Variants in KIFAP3 observed in about 807,000 individuals in gnomAD.
KIFAP3 encodes the protein kinesin associated protein 3, also known as kinesin-associated protein 3.
Under a neutral mutation model 106.5 loss-of-function variants are expected in KIFAP3, and 68 were observed. That is an observed-to-expected ratio of 0.64 (90% CI 0.53 to 0.78). The LOEUF is 0.78. KIFAP3 is among the 30% of genes least tolerant of loss of function. The probability of loss-of-function intolerance (pLI) is 0.00; values close to 1 mark genes in which losing one functional copy is unlikely to be tolerated. For missense variants in KIFAP3, 780 were observed against 941.8 expected (o/e 0.83, Z 2.25); for synonymous variants, 320 against 311.5 (o/e 1.03, Z -0.29).
At chr1:170,024,980 A>T (rs907254753) in intron 8 of KIFAP3, among the ~76,000 whole-genome samples, 1 of 152,144 alleles carries the variant, frequency 6.6e-6, no homozygotes, top group Admixed American at 6.5e-5. Flanking sequence ...ACACATATAG[A>T]AAACAAGATA....
intron 19 of KIFAP3, among the ~76,000 whole-genome samples, chr1:169,922,124 G>C (rs1243085789): frequency 6.6e-6 from 1 of 152,102 alleles, no homozygotes; most frequent in Non-Finnish European, 1.5e-5. Context: ...GCAATGATCA[G>C]TAATATATTG....
chr1:170,065,613 C>G (rs1213760822), intron 1 of KIFAP3, among the ~76,000 whole-genome samples: 1 of 49,900 alleles, frequency 2.0e-5, no homozygotes, highest in Non-Finnish European at 3.8e-5. Context: ...GACTCCACCT[C>G]AAAAAAAAAA....
At chr1:170,032,036 C>T (rs768685641) in intron 7 of KIFAP3, 52 bp from the exon 8 acceptor site, 12 of 986,094 alleles carry the variant, frequency 1.2e-5, no homozygotes, top group Non-Finnish European at 1.9e-5. Flanking sequence ...AAAAAATCTA[C>T]TGATAAATTC....
chr1:169,948,946 T>C (rs1391143177), intron 19 of KIFAP3, among the ~76,000 whole-genome samples: 3 of 152,018 alleles, frequency 2.0e-5, no homozygotes, highest in Non-Finnish European at 2.9e-5. Flanking sequence ...GTAAACTAAA[T>C]AGCTGAGTAT....
chr1:170,064,532 T>C (rs898294071), intron 1 of KIFAP3, among the ~76,000 whole-genome samples: 1 of 152,138 alleles, frequency 6.6e-6, no homozygotes, highest in African/African-American at 2.4e-5. Flanking sequence ...TTTTGTATTT[T>C]TTATAGAGAT....
At chr1:170,046,945 AG>A in intron 2 of KIFAP3, 79 bp from the exon 3 acceptor site, 24 of 777,508 alleles carry the variant, frequency 3.1e-5, no homozygotes, top group South Asian at 4.2e-5. Flanking sequence ...AATAATTTAT[AG>A]ATTATAAATT....
intron 17 of KIFAP3, among the ~76,000 whole-genome samples, chr1:169,969,012 A>T (rs1665773295): frequency 6.6e-6 from 1 of 152,018 alleles, no homozygotes; most frequent in Non-Finnish European, 1.5e-5. Flanking sequence ...ATTAAACCCA[A>T]TTAGAGTATA....
chr1:170,014,625 G>A (rs1278686333), intron 10 of KIFAP3, among the ~76,000 whole-genome samples: 2 of 152,106 alleles, frequency 1.3e-5, no homozygotes, highest in African/African-American at 4.8e-5. Context: ...TTAGCGCTGT[G>A]CTTTGCTATG....
At position 170,031,945 on chromosome 1, in the gene KIFAP3, T is replaced by C. The variant is rs749792657; in HGVS notation, c.782A>G (p.Tyr261Cys). 6.2e-7 allele frequency: 1 copy of C among 1,610,942 alleles called. No individual in the cohort carries two copies. Among genetic ancestry groups the C allele is most frequent in the South Asian group, 1.1e-5 (1 of 90,698 alleles). The part of the protein sequence containing the change: ...DPENQTLRKD[Y>C]EKTFKKYQGL... ...CTGGTACTTTTTAAAGGTTTTTTCATAATCCTTTCTCAAGGTTTGGTTTTC... is the reference window on the plus strand; with the variant it reads ...CTGGTACTTTTTAAAGGTTTTTTCACAATCCTTTCTCAAGGTTTGGTTTTC... The change falls in exon 8 of 20, where the codon TAT becomes TGT. Residue 261 changes from tyrosine to cysteine, a missense_variant. Coordinates refer to ENST00000361580, the MANE Select transcript of KIFAP3 (RefSeq NM_014970.4).
intron 18 of KIFAP3, among the ~76,000 whole-genome samples, chr1:169,960,473 T>C (rs1048462914): frequency 6.6e-6 from 1 of 152,058 alleles, no homozygotes; most frequent in Admixed American, 6.6e-5. Context: ...AAGGTAGTAA[T>C]GCAGAATCAA....
chr1:170,071,270 A>G (rs952183360), intron 1 of KIFAP3, among the ~76,000 whole-genome samples: 110 of 152,342 alleles, frequency 7.2e-4, no homozygotes, highest in African/African-American at 2.6e-3. Flanking sequence ...TGTTCAAACA[A>G]AAACTTGTAC....
chr1:170,077,794 A>C (rs1671948207), upstream of KIFAP3, among the ~76,000 whole-genome samples: 1 of 152,094 alleles, frequency 6.6e-6, no homozygotes, highest in Non-Finnish European at 1.5e-5. Context: ...ACGTCATCTG[A>C]ATGTAATGAT....
intron 1 of KIFAP3, among the ~76,000 whole-genome samples, chr1:170,080,412 T>C (rs12142961): frequency 0.063 from 9,568 of 152,156 alleles, 383 homozygotes; most frequent in Non-Finnish European, 0.095. Flanking sequence ...ATTGACAGGT[T>C]GATTATTTTA....
intron 1 of KIFAP3, among the ~76,000 whole-genome samples, chr1:170,084,826 G>C (rs1374623941): frequency 1.3e-5 from 2 of 152,182 alleles, no homozygotes; most frequent in Admixed American, 6.5e-5. Context: ...AATATTTCCT[G>C]CAGGCATGAG....
chr1:170,041,930 G>A (rs1029380542), intron 3 of KIFAP3: 116 of 1,208,424 alleles, frequency 9.6e-5, no homozygotes, highest in Non-Finnish European at 1.1e-4. Flanking sequence ...GGGCGATTTC[G>A]TTTCAGTTAT....
chr1:170,047,512 T>G (rs1183292708), intron 2 of KIFAP3, among the ~76,000 whole-genome samples: 1 of 150,160 alleles, frequency 6.7e-6, no homozygotes, highest in Non-Finnish European at 1.5e-5. Context: ...TCCCAGCTAC[T>G]CGGGAGGTTG....
At position 169,939,436 on chromosome 1, in the gene KIFAP3, G is replaced by A. The variant is rs538693351; in HGVS notation, c.2273+14575C>T. 2.6e-5 allele frequency among the ~76,000 whole-genome samples: 4 copies of A among 152,276 alleles called. No individual in the cohort carries two copies. The East Asian group carries it at 7.7e-4, about 29-fold the overall frequency. Reference sequence around the variant, plus strand: ...TTAAGGGAGGAACCTGTTTATATGTGAGAAATCAAAAGTTAAGTTTGATAA... The same window carrying A: ...TTAAGGGAGGAACCTGTTTATATGTAAGAAATCAAAAGTTAAGTTTGATAA... On this transcript the variant is annotated intron_variant, in intron 19 of 19. Transcript: ENST00000361580.
At position 170,074,519 on chromosome 1, in the gene KIFAP3, C is replaced by T; in HGVS notation, c.-52G>A. On this transcript the variant is annotated 5_prime_UTR_variant, in exon 1 of 20. Coordinates refer to ENST00000361580, the MANE Select transcript of KIFAP3 (RefSeq NM_014970.4). ...GATGGGGTATCTTGAGAGGCAGGCGCGGTTATTTCCGGGGACGGTGGCCAA... is the reference window on the plus strand; with the variant it reads ...GATGGGGTATCTTGAGAGGCAGGCGTGGTTATTTCCGGGGACGGTGGCCAA... 2 of 1,612,244 alleles carry T rather than the reference C, an allele frequency of 1.2e-6. No individual in the cohort carries two copies. The highest frequency in any genetic ancestry group is 4.5e-5 in the East Asian group (2 of 44,826).
At chr1:169,973,606 A>C (rs1258817502) in intron 16 of KIFAP3, among the ~76,000 whole-genome samples, 1 of 151,270 alleles carries the variant, frequency 6.6e-6, no homozygotes, top group African/African-American at 2.4e-5. Flanking sequence ...AAGGAAATTA[A>C]ATTTTCCTCT....
Sources: allele counts gnomAD v4.1 joint callset (sites outside exome capture counted in the v4.1 genomes callset), GRCh38; gene constraint gnomAD v4.1.1; transcripts MANE v1.5; gene names NCBI Gene and HGNC (gene_info 2026-07-23, HGNC 2026-07-21).